Variants in MYOM3 observed in about 807,000 individuals in gnomAD.
The protein encoded by MYOM3 is myomesin-3.
MYOM3 carries 155 observed loss-of-function variants against 191.7 expected under a neutral mutation model. That is an observed-to-expected ratio of 0.81 (90% CI 0.71 to 0.92). The LOEUF (loss-of-function observed/expected upper bound fraction) is 0.92. Ranked by LOEUF, MYOM3 falls within the 40% of genes least tolerant of loss-of-function variation. MYOM3 has a pLI of 0.00. For missense variants in MYOM3, 1,889 were observed against 1,890.6 expected, an observed-to-expected ratio of 1.00 and a Z score of 0.02; for synonymous variants, 757 against 762.9, an observed-to-expected ratio of 0.99 and a Z score of 0.13.
chr1:24,074,244 C>T lies in MYOM3; in HGVS notation c.2884G>A (p.Gly962Ser), dbSNP rs373817958. 25 of 1,613,868 alleles carry T rather than the reference C, an allele frequency of 1.5e-5. No homozygotes were observed. The East Asian group carries it at 2.0e-4, about 13-fold the overall frequency. The change falls in exon 23 of 37, where the codon GGC becomes AGC. Residue 962 changes from glycine to serine, a missense_variant. By Grantham distance (56) the Gly-to-Ser change is moderately conservative (BLOSUM62 0). Transcript: ENST00000374434. ...GAGTAGGTGCCCAAATCCTCGAGGC[C>T]GGGTTCTTTCAGGATGACCTTGGAC... Reference protein sequence around the residue: ...NKSKVILKEPGLEDLGTYSVI... With the variant: ...NKSKVILKEPSLEDLGTYSVI...
At chr1:24,085,128 G>GGATA (rs2148553022) in intron 15 of MYOM3, among the ~76,000 whole-genome samples, 1 of 151,726 alleles carries the variant, frequency 6.6e-6, no homozygotes, top group Admixed American at 6.6e-5. Context: ...ATGGATGGAT[G>GGATA]GATGGATGGA....
At chr1:24,105,357 G>C (rs1462826986) in intron 5 of MYOM3, among the ~76,000 whole-genome samples, 1 of 152,226 alleles carries the variant, frequency 6.6e-6, no homozygotes, top group African/African-American at 2.4e-5. Flanking sequence ...GGGAACACAA[G>C]GTTCTCGCTA....
intron 10 of MYOM3, 24 bp downstream of exon 10, chr1:24,092,922 AC>A (rs1409911113): frequency 6.7e-7 from 1 of 1,500,650 alleles, no homozygotes; most frequent in Non-Finnish European, 8.9e-7. Context: ...TCCTGCTGCT[AC>A]CCTGCGCCCA....
intron 5 of MYOM3, among the ~76,000 whole-genome samples, chr1:24,103,734 A>C (rs983916694): frequency 2.4e-4 from 37 of 151,870 alleles, no homozygotes; most frequent in Non-Finnish European, 5.9e-5. Context: ...CTTGAAAAGT[A>C]AGAAATGATG....
chr1:24,066,904 G>T, intron 28 of MYOM3, 117 bp downstream of exon 28: 1 of 954,198 alleles, frequency 1.0e-6, no homozygotes, highest in Non-Finnish European at 1.6e-6. Flanking sequence ...TGTGCGATCA[G>T]CCAAGCACAG....
Position 24,057,493 on chromosome 1 carries a change from C to T in MYOM3, c.4185G>A (p.Glu1395=). 1 of 1,614,256 alleles carries T rather than the reference C, an allele frequency of 6.2e-7. No homozygotes were observed. Among genetic ancestry groups the T allele is most frequent in the South Asian group, 1.1e-5 (1 of 91,092 alleles). ...GGCCGCTGTCTTCACTGTTGACCTT[C>T]TCAATGGTGATGGTGACCTCTGTCC... is the stretch of plus-strand genomic sequence containing the variant. The part of the protein sequence containing the change: ...VRGTEVTITI[E]KVNSEDSGRY... Residue 1395 remains glutamate (E), a synonymous_variant, in exon 37 of 37, where the codon GAG becomes GAA. Transcript: ENST00000374434.
At chr1:24,086,971 T>A in intron 14 of MYOM3, 144 bp from the exon 15 acceptor site, 16 of 752,522 alleles carry the variant, frequency 2.1e-5, no homozygotes, top group Non-Finnish European at 3.2e-5. Flanking sequence ...CATGGGGCTC[T>A]GCCCCATCTG....
At chr1:24,065,696 A>AT in intron 29 of MYOM3, 195 bp downstream of exon 29, 1 of 624,402 alleles carries the variant, frequency 1.6e-6, no homozygotes. Context: ...ATTAATTTTG[A>AT]TTTTTTAGAA....
chr1:24,098,985 A>G (rs902113760), intron 6 of MYOM3, among the ~76,000 whole-genome samples: 35 of 152,318 alleles, frequency 2.3e-4, no homozygotes, highest in African/African-American at 7.2e-4. Flanking sequence ...TCCCTCAAGC[A>G]TGGTGGCAGG....
At position 24,056,055 on chromosome 1, in the gene MYOM3, T is replaced by G. The variant is rs1035761075; in HGVS notation, c.*1309A>C. ...GTGTTACTTTGTGGTGTTGGGAGTA[T>G]AGATTATGTTTATTTTCTCTATAAT... On this transcript the variant is annotated 3_prime_UTR_variant, in exon 37 of 37. Transcript: ENST00000374434. 1 of 152,226 alleles carries G rather than the reference T, an allele frequency of 6.6e-6. No homozygotes were observed. The highest frequency in any genetic ancestry group is 2.4e-5 in the African/African-American group (1 of 41,448). The allele number at this position is 152,226 out of a possible 1,614,324, so 9.4% of individuals were successfully genotyped here.
intron 11 of MYOM3, 147 bp downstream of exon 11, chr1:24,092,027 C>G: frequency 1.4e-6 from 1 of 694,750 alleles, no homozygotes; most frequent in East Asian, 3.3e-5. Flanking sequence ...CTAAATGACA[C>G]AGCACAGCCT....
At chr1:24,062,541 G>A (rs7542703) in intron 32 of MYOM3, among the ~76,000 whole-genome samples, 2,672 of 152,258 alleles carry the variant, frequency 0.018, 84 homozygotes, top group African/African-American at 0.061. Context: ...GAGGCATGCA[G>A]CTGGTAAAAA....
chr1:24,089,423 T>A (rs1443623532), intron 14 of MYOM3, 115 bp downstream of exon 14: 1 of 1,364,736 alleles, frequency 7.3e-7, no homozygotes, highest in East Asian at 2.6e-5. Flanking sequence ...TGGGCCCTTC[T>A]GGCCAGGGGA....
In MYOM3 at chr1:24,067,432, TTCCTTCCTTCCTTTGTTTCCTTCC is replaced by T. The variant is rs1643463790; in HGVS notation, c.3356-368_3356-345del. On this transcript the variant is annotated intron_variant, in intron 27 of 36. Transcript: ENST00000374434. ...CTTCCTTCCTTCCTTCCTTCCTTCCTTCCTTCCTTCCTTTGTTTCCTTCCTTCTTTCTTTCTTTCTTTATTTTTG... is the reference window on the plus strand; with the variant it reads ...CTTCCTTCCTTCCTTCCTTCCTTCCTTTCTTTCTTTCTTTCTTTATTTTTG... Among the ~76,000 whole-genome samples, 2 of 120,116 alleles carry T rather than the reference TTCCTTCCTTCCTTTGTTTCCTTCC, an allele frequency of 1.7e-5. 1 individual carries two copies. Among genetic ancestry groups the T allele is most frequent in the Non-Finnish European group, 3.4e-5 (2 of 58,544 alleles). The allele number at this position is 120,116 out of a possible 152,430, so 78.8% of individuals were successfully genotyped here. A position where few individuals can be genotyped will look rare whatever the true frequency, so the allele number is the denominator to read the frequency against.
In MYOM3 at chr1:24,107,174, G is replaced by T; in HGVS notation, c.301C>A (p.Arg101=). 1 of 1,610,802 alleles carries T rather than the reference G, an allele frequency of 6.2e-7. No individual in the cohort carries two copies. The highest frequency in any genetic ancestry group is 8.5e-7 in the Non-Finnish European group (1 of 1,178,646). ...TCCCAGTCATTGCCGAAGCCCACCC[G>T]CTTCTGCCCTCGCTCCTCCAGCTCC... ...AVELEERGQK[R]VGFGNDWERT... The change falls in exon 4 of 37, where the codon CGG becomes AGG. Residue 101 remains arginine, a synonymous_variant. Transcript: ENST00000374434.
rs1322672770 is a variant in MYOM3, at chr1:24,094,836, G to A, written c.928+17C>T. On this transcript the variant is annotated intron_variant, in intron 9 of 36. Transcript: ENST00000374434. ...GGCCAGCTCTGGAGGCTGGGGGCCA[G>A]GACTGGGGGTCCTTACCATCTCGGA... The A allele has an allele frequency of 6.2e-7, 1 of 1,605,072 alleles. No individual in the cohort carries two copies. The highest frequency in any genetic ancestry group is 8.5e-7 in the Non-Finnish European group (1 of 1,175,216).
chr1:24,080,218 G>A, intron 19 of MYOM3, 24 bp from the exon 20 acceptor site: 1 of 1,581,564 alleles, frequency 6.3e-7, no homozygotes, highest in Non-Finnish European at 8.6e-7. Context: ...GAGATGGGAA[G>A]AGATGTGTGA....
At chr1:24,092,049 T>A in intron 11 of MYOM3, 125 bp downstream of exon 11, 1 of 948,492 alleles carries the variant, frequency 1.1e-6, no homozygotes, top group East Asian at 3.1e-5. Flanking sequence ...TCTCCTGTCC[T>A]TTTCTGAGGA....
Position 24,105,752 on chromosome 1 carries a change from TA to T in MYOM3, c.560+167del, listed in dbSNP as rs1455590504. On this transcript the variant is annotated intron_variant, in intron 5 of 36. Coordinates refer to ENST00000374434, the MANE Select transcript of MYOM3 (RefSeq NM_152372.4). ...AGCAGCCTGAGCGAGGCCCCGCCTC[TA>T]AAAAAAATAACCCAGGCCTGGTTCC... 5.9e-5 allele frequency among the ~76,000 whole-genome samples: 9 copies of T among 151,962 alleles called. No homozygotes were observed. In the South Asian group the frequency reaches 8.3e-4, roughly 14 times the overall value.
Sources: allele counts gnomAD v4.1 joint callset (sites outside exome capture counted in the v4.1 genomes callset), GRCh38; gene constraint gnomAD v4.1.1; transcripts MANE v1.5; gene names NCBI Gene and HGNC (gene_info 2026-07-23, HGNC 2026-07-21).